Variants in TMEM215 observed in about 807,000 individuals in gnomAD.
TMEM215 encodes the protein transmembrane protein 215.
A neutral mutation model predicts 14.7 loss-of-function variants in TMEM215; 12 were observed. The observed-to-expected ratio is 0.82, with a 90% CI of 0.52 to 1.33. TMEM215 has a LOEUF of 1.33. Ranked by LOEUF, TMEM215 falls within the 40% of genes most tolerant of loss-of-function variation. TMEM215 has a pLI of 0.00. For missense variants in TMEM215, 276 were observed against 296.2 expected (o/e 0.93, Z 0.50); for synonymous variants, 122 against 124.8 (o/e 0.98, Z 0.15).
chr9:32,788,042 T>C lies in TMEM215; in HGVS notation c.*3151T>C, dbSNP rs1007915794. On this transcript the variant is annotated 3_prime_UTR_variant, in exon 2 of 2. Transcript: ENST00000342743. ...CAAACAAAATCCAGATACAGTTAAG[T>C]TCAGGCTCTCTTCCAAACCCTGCTA... is the stretch of plus-strand genomic sequence containing the variant. Among the ~76,000 whole-genome samples the C allele has an allele frequency of 1.3e-5, 2 of 152,188 alleles. No individual in the cohort carries two copies. The highest frequency in any genetic ancestry group is 2.9e-5 in the Non-Finnish European group (2 of 68,008).
chr9:32,787,297 A>T lies in TMEM215; in HGVS notation c.*2406A>T, dbSNP rs1276913073. 6.0e-6 allele frequency: 1 copy of T among 166,846 alleles called. No homozygotes were observed. The highest frequency in any genetic ancestry group is 1.9e-4 in the East Asian group (1 of 5,208). 10.3% of individuals were successfully genotyped at this position (166,846 alleles called of 1,614,324 possible). Reference sequence around the variant, plus strand: ...CAAGTTCTACTTCAGAAGAAAACCTATTTCATGTTTCTTCTCCCATTACCT... The same window carrying T: ...CAAGTTCTACTTCAGAAGAAAACCTTTTTCATGTTTCTTCTCCCATTACCT... On this transcript the variant is annotated 3_prime_UTR_variant, in exon 2 of 2. Transcript: ENST00000342743.
Position 32,787,709 on chromosome 9 carries a change from T to C in TMEM215, c.*2818T>C, listed in dbSNP as rs986700598. 6.6e-6 allele frequency among the ~76,000 whole-genome samples: 1 copy of C among 152,098 alleles called. No individual in the cohort carries two copies. Among genetic ancestry groups the C allele is most frequent in the African/African-American group, 2.4e-5 (1 of 41,446 alleles). On this transcript the variant is annotated 3_prime_UTR_variant, in exon 2 of 2. Coordinates refer to ENST00000342743, the MANE Select transcript of TMEM215 (RefSeq NM_212558.3). Reference sequence around the variant, plus strand: ...ACACAGTTTTAGCAAATTGTTCTTATCAATATAATAGACATGAGGATTGTT... The same window carrying C: ...ACACAGTTTTAGCAAATTGTTCTTACCAATATAATAGACATGAGGATTGTT...
chr9:32,785,031 C>T lies in TMEM215; in HGVS notation c.*140C>T. 2 of 700,306 alleles carry T rather than the reference C, an allele frequency of 2.9e-6. No individual in the cohort carries two copies. Among genetic ancestry groups the T allele is most frequent in the East Asian group, 2.7e-5 (1 of 37,098 alleles). The allele number at this position is 700,306 out of a possible 1,614,324, so 43.4% of individuals were successfully genotyped here. A position where few individuals can be genotyped will look rare whatever the true frequency, so the allele number is the denominator to read the frequency against. On this transcript the variant is annotated 3_prime_UTR_variant, in exon 2 of 2. Transcript: ENST00000342743. ...GATGGGTGTGATAACCTCTGGTACC[C>T]GAGAGTCATGTAAATAGGCATGTTG...
chr9:32,784,895 C>A lies in TMEM215; in HGVS notation c.*4C>A, dbSNP rs1467604218. 2 of 1,607,390 alleles carry A rather than the reference C, an allele frequency of 1.2e-6. No homozygotes were observed. Among genetic ancestry groups the A allele is most frequent in the East Asian group, 4.5e-5 (2 of 44,844 alleles). On this transcript the variant is annotated 3_prime_UTR_variant, in exon 2 of 2. Transcript: ENST00000342743. ...GGACCACGAGACCATCGTCTAATCTCTGCCTACAAAGGTGGCTGGATTGAT... is the reference window on the plus strand; with the variant it reads ...GGACCACGAGACCATCGTCTAATCTATGCCTACAAAGGTGGCTGGATTGAT...
Position 32,784,701 on chromosome 9 carries a change from C to T in TMEM215, c.518C>T (p.Thr173Ile). 1 of 1,614,142 alleles carries T rather than the reference C, an allele frequency of 6.2e-7. No homozygotes were observed. The highest frequency in any genetic ancestry group is 8.5e-7 in the Non-Finnish European group (1 of 1,180,036). ...DGYCPSGSSLTYSALDVKCSA... is the reference protein window; with the variant it reads ...DGYCPSGSSLIYSALDVKCSA... ...TACTGCCCCTCGGGCAGTTCCCTCACCTACAGTGCCTTGGACGTCAAGTGC... is the reference window on the plus strand; with the variant it reads ...TACTGCCCCTCGGGCAGTTCCCTCATCTACAGTGCCTTGGACGTCAAGTGC... Residue 173 changes from threonine to isoleucine, a missense_variant, in exon 2 of 2, where the codon ACC becomes ATC. Transcript: ENST00000342743.
In TMEM215 at chr9:32,787,430, G is replaced by T. The variant is rs913116884; in HGVS notation, c.*2539G>T. ...GAGAGGTTTTAACTTTGACCAGTGA[G>T]AATAAAATGTATGATTGTGTGTGTG... is the stretch of plus-strand genomic sequence containing the variant. On this transcript the variant is annotated 3_prime_UTR_variant, in exon 2 of 2. Coordinates refer to ENST00000342743, the MANE Select transcript of TMEM215 (RefSeq NM_212558.3). 6.0e-6 allele frequency: 1 copy of T among 166,900 alleles called. No individual in the cohort carries two copies. The highest frequency in any genetic ancestry group is 1.5e-5 in the Non-Finnish European group (1 of 68,020). The allele number at this position is 166,900 out of a possible 1,614,324, so 10.3% of individuals were successfully genotyped here.
chr9:32,784,924 A>G lies in TMEM215; in HGVS notation c.*33A>G. ...CTACAAAGGTGGCTGGATTGATAGAATATGACTAAGCCCAGCTCCCCGTGG... is the reference window on the plus strand; with the variant it reads ...CTACAAAGGTGGCTGGATTGATAGAGTATGACTAAGCCCAGCTCCCCGTGG... On this transcript the variant is annotated 3_prime_UTR_variant, in exon 2 of 2. Transcript: ENST00000342743. The G allele has an allele frequency of 6.4e-7, 1 of 1,568,314 alleles. No individual in the cohort carries two copies. Among genetic ancestry groups the G allele is most frequent in the Non-Finnish European group, 8.7e-7 (1 of 1,147,168 alleles).
Position 32,785,353 on chromosome 9 carries a change from A to AAAGCTT in TMEM215, c.*464_*469dup. 1 of 170,080 alleles carries AAAGCTT rather than the reference A, an allele frequency of 5.9e-6. No individual in the cohort carries two copies. The highest frequency in any genetic ancestry group is 6.3e-5 in the Admixed American group (1 of 15,866). 10.5% of individuals were successfully genotyped at this position (170,080 alleles called of 1,614,324 possible). ...ATATAAAGTAATTTTTGCCTGGTTAAAAGCTTATCACACTTGGTATTTGCT... is the reference window on the plus strand; with the variant it reads ...ATATAAAGTAATTTTTGCCTGGTTAAAAGCTTAAGCTTATCACACTTGGTATTTGCT... On this transcript the variant is annotated 3_prime_UTR_variant, in exon 2 of 2. Coordinates refer to ENST00000342743, the MANE Select transcript of TMEM215 (RefSeq NM_212558.3).
rs1051712483 is a variant in TMEM215 at position 32,787,963 on chromosome 9, G to A, written c.*3072G>A. ...GAGAATTCAGACATGATACTCAAACGAGAGCATATTAGACATCTGTTTTAA... is the reference window on the plus strand; with the variant it reads ...GAGAATTCAGACATGATACTCAAACAAGAGCATATTAGACATCTGTTTTAA... On this transcript the variant is annotated 3_prime_UTR_variant, in exon 2 of 2. Coordinates refer to ENST00000342743, the MANE Select transcript of TMEM215 (RefSeq NM_212558.3). Among the ~76,000 whole-genome samples, 2 of 152,056 alleles carry A rather than the reference G, an allele frequency of 1.3e-5. No homozygotes were observed. The highest frequency in any genetic ancestry group is 4.8e-5 in the African/African-American group (2 of 41,414).
rs1274432069 is a variant in TMEM215 at position 32,786,268 on chromosome 9, G to GTCTT, written c.*1378_*1381dup. On this transcript the variant is annotated 3_prime_UTR_variant, in exon 2 of 2. Transcript: ENST00000342743. Reference sequence around the variant, plus strand: ...AATGATCATTTTAAGTGATCATATAGTCTTAGTCACTTTCTCCCAAAAGGG... The same window carrying GTCTT: ...AATGATCATTTTAAGTGATCATATAGTCTTTCTTAGTCACTTTCTCCCAAAAGGG... 1 of 167,002 alleles carries GTCTT rather than the reference G, an allele frequency of 6.0e-6. No individual in the cohort carries two copies. The allele number at this position is 167,002 out of a possible 1,614,324, so 10.3% of individuals were successfully genotyped here.
In TMEM215 at chr9:32,789,040, C is replaced by A. The variant is rs890897703; in HGVS notation, c.*4149C>A. Among the ~76,000 whole-genome samples the A allele has an allele frequency of 1.3e-5, 2 of 152,158 alleles. No individual in the cohort carries two copies. Among genetic ancestry groups the A allele is most frequent in the African/African-American group, 4.8e-5 (2 of 41,444 alleles). On this transcript the variant is annotated 3_prime_UTR_variant, in exon 2 of 2. Coordinates refer to ENST00000342743, the MANE Select transcript of TMEM215 (RefSeq NM_212558.3). ...CATATGTATATGTATTGTCGCCTATCAGTGACTTACAAATGAACTGGAATT... is the reference window on the plus strand; with the variant it reads ...CATATGTATATGTATTGTCGCCTATAAGTGACTTACAAATGAACTGGAATT...
chr9:32,785,655 T>G lies in TMEM215; in HGVS notation c.*764T>G, dbSNP rs1360523206. On this transcript the variant is annotated 3_prime_UTR_variant, in exon 2 of 2. Coordinates refer to ENST00000342743, the MANE Select transcript of TMEM215 (RefSeq NM_212558.3). ...TTTTCTAAACATTTACTATCATTCATGTATTATTTCCTTACCAGGTGCAAC... is the reference window on the plus strand; with the variant it reads ...TTTTCTAAACATTTACTATCATTCAGGTATTATTTCCTTACCAGGTGCAAC... 1.2e-5 allele frequency: 2 copies of G among 166,814 alleles called. No individual in the cohort carries two copies. The highest frequency in any genetic ancestry group is 2.4e-5 in the African/African-American group (1 of 41,470). The allele number at this position is 166,814 out of a possible 1,614,324, so 10.3% of individuals were successfully genotyped here. A position where few individuals can be genotyped will look rare whatever the true frequency, so the allele number is the denominator to read the frequency against.
chr9:32,784,433 C>T lies in TMEM215; in HGVS notation c.250C>T (p.Arg84Trp). ...GTGGGTCCGCAAATTGCCCTGCTTC[C>T]GGAAACCCAAAGACAAGGAGGTGGT... ...LLWVRKLPCF[R>W]KPKDKEVVEL... Residue 84 changes from arginine (R) to tryptophan (W), a missense_variant, in exon 2 of 2, where the codon CGG (arginine) becomes TGG (tryptophan). Transcript: ENST00000342743. The T allele has an allele frequency of 6.2e-7, 1 of 1,614,166 alleles. No individual in the cohort carries two copies. Among genetic ancestry groups the T allele is most frequent in the Non-Finnish European group, 8.5e-7 (1 of 1,180,032 alleles).
At position 32,785,696 on chromosome 9, in the gene TMEM215, A is replaced by G. The variant is rs528787490; in HGVS notation, c.*805A>G. 6.0e-6 allele frequency: 1 copy of G among 166,750 alleles called. No individual in the cohort carries two copies. The highest frequency in any genetic ancestry group is 1.9e-4 in the East Asian group (1 of 5,188). 10.3% of individuals were successfully genotyped at this position (166,750 alleles called of 1,614,324 possible). A position where few individuals can be genotyped will look rare whatever the true frequency, so the allele number is the denominator to read the frequency against. On this transcript the variant is annotated 3_prime_UTR_variant, in exon 2 of 2. Transcript: ENST00000342743. ...CAGGTGCAACATTATTTGAAATGAT[A>G]CTTTCATAGATTGGAATTTGTTTTC...
chr9:32,787,847 T>G lies in TMEM215; in HGVS notation c.*2956T>G, dbSNP rs1824525226. Among the ~76,000 whole-genome samples, 1 of 152,186 alleles carries G rather than the reference T, an allele frequency of 6.6e-6. No individual in the cohort carries two copies. The highest frequency in any genetic ancestry group is 1.5e-5 in the Non-Finnish European group (1 of 67,992). On this transcript the variant is annotated 3_prime_UTR_variant, in exon 2 of 2. Coordinates refer to ENST00000342743, the MANE Select transcript of TMEM215 (RefSeq NM_212558.3). ...TTGATTCTGAATAGGCATTTTATTT[T>G]CAAAATTTTTCTACTGAATTTCTCT...
At position 32,787,765 on chromosome 9, in the gene TMEM215, T is replaced by C. The variant is rs1563868679; in HGVS notation, c.*2874T>C. On this transcript the variant is annotated 3_prime_UTR_variant, in exon 2 of 2. Transcript: ENST00000342743. ...TAGCCTTCAAGAGCTCCTAGACAGATATAAATTTAAGTAGACATTACTTTA... is the reference window on the plus strand; with the variant it reads ...TAGCCTTCAAGAGCTCCTAGACAGACATAAATTTAAGTAGACATTACTTTA... 6.6e-6 allele frequency among the ~76,000 whole-genome samples: 1 copy of C among 152,148 alleles called. No homozygotes were observed. Among genetic ancestry groups the C allele is most frequent in the Non-Finnish European group, 1.5e-5 (1 of 67,988 alleles).
In TMEM215 at chr9:32,785,443, G is replaced by A. The variant is rs1824497250; in HGVS notation, c.*552G>A. 1 of 167,604 alleles carries A rather than the reference G, an allele frequency of 6.0e-6. No individual in the cohort carries two copies. Among genetic ancestry groups the A allele is most frequent in the Admixed American group, 6.5e-5 (1 of 15,370 alleles). The allele number at this position is 167,604 out of a possible 1,614,324, so 10.4% of individuals were successfully genotyped here. A position where few individuals can be genotyped will look rare whatever the true frequency, so the allele number is the denominator to read the frequency against. On this transcript the variant is annotated 3_prime_UTR_variant, in exon 2 of 2. Transcript: ENST00000342743. ...TTAGATGGGATGGTTTTTGGGAAAA[G>A]GGTAGTTAAAGAGAGTTGGATTATG...
Position 32,784,864 on chromosome 9 carries a change from C to T in TMEM215, c.681C>T (p.Gly227=), listed in dbSNP as rs1338296980. The part of the protein sequence containing the change: ...RYCCYINQIQ[G]RWDHETIV ...GTTGTTATATCAATCAGATACAAGG[C>T]AGGTGGGACCACGAGACCATCGTCT... Residue 227 remains glycine, a synonymous_variant, in exon 2 of 2, where the codon GGC becomes GGT. Coordinates refer to ENST00000342743, the MANE Select transcript of TMEM215 (RefSeq NM_212558.3). 1 of 1,612,614 alleles carries T rather than the reference C, an allele frequency of 6.2e-7. No homozygotes were observed. Among genetic ancestry groups the T allele is most frequent in the African/African-American group, 1.3e-5 (1 of 74,926 alleles).
At chr9:32,783,993 G>A in intron 1 of TMEM215, 133 bp from the exon 2 acceptor site, 1 of 602,000 alleles carries the variant, frequency 1.7e-6, no homozygotes, top group Non-Finnish European at 2.9e-6. Context: ...TTGCAAGAGA[G>A]ATACAGAGAC....
Sources: allele counts gnomAD v4.1 joint callset (sites outside exome capture counted in the v4.1 genomes callset), GRCh38; gene constraint gnomAD v4.1.1; transcripts MANE v1.5; gene names NCBI Gene and HGNC (gene_info 2026-07-23, HGNC 2026-07-21).